CCBE1: variants seen among roughly 807,000 people sequenced by gnomAD.
CCBE1 encodes the protein collagen and calcium-binding EGF domain-containing protein 1.
Under a neutral mutation model 50.0 loss-of-function variants are expected in CCBE1, and 37 were observed. That is an observed-to-expected ratio of 0.74 (90% CI 0.57 to 0.97). The LOEUF is 0.97. CCBE1 is among the 50% of genes least tolerant of loss of function. CCBE1 has a pLI of 0.00. For missense variants in CCBE1, 538 were observed against 523.8 expected, an observed-to-expected ratio of 1.03 and a Z score of -0.26; for synonymous variants, 234 against 203.7, an observed-to-expected ratio of 1.15 and a Z score of -1.27.
At chr18:59,696,809 C>A in intron 1 of CCBE1, 100 bp from the exon 2 acceptor site, 1 of 1,295,352 alleles carries the variant, frequency 7.7e-7, no homozygotes, top group Non-Finnish European at 1.1e-6. Context: ...CGCCAGGCTC[C>A]CCGTCCCGGC....
At chr18:59,542,342 C>T (rs546204212) in intron 2 of CCBE1, among the ~76,000 whole-genome samples, 3 of 151,774 alleles carry the variant, frequency 2.0e-5, no homozygotes, top group South Asian at 2.1e-4. Flanking sequence ...TTTTACAACA[C>T]GAGATTCTAG....
At chr18:59,593,440 T>G (rs2053303880) in intron 2 of CCBE1, among the ~76,000 whole-genome samples, 1 of 152,248 alleles carries the variant, frequency 6.6e-6, no homozygotes, top group Non-Finnish European at 1.5e-5. Context: ...CAATAACTTT[T>G]GTAATGCATT....
At chr18:59,474,022 G>A (rs1321271702) in intron 3 of CCBE1, among the ~76,000 whole-genome samples, 1 of 152,172 alleles carries the variant, frequency 6.6e-6, no homozygotes, top group African/African-American at 2.4e-5. Flanking sequence ...GTTTGCTTAG[G>A]ATTATAGCCT....
At chr18:59,608,018 T>A (rs1421916221) in intron 2 of CCBE1, among the ~76,000 whole-genome samples, 1 of 152,052 alleles carries the variant, frequency 6.6e-6, no homozygotes, top group Non-Finnish European at 1.5e-5. Context: ...AGAGGTGTAG[T>A]GAGCCGATAT....
At chr18:59,634,988 T>C (rs1396236734) in intron 2 of CCBE1, among the ~76,000 whole-genome samples, 1 of 152,140 alleles carries the variant, frequency 6.6e-6, no homozygotes, top group Non-Finnish European at 1.5e-5. Context: ...AGATAACAGC[T>C]GAGGGTTCTC....
chr18:59,584,708 C>T (rs985346848), intron 2 of CCBE1, among the ~76,000 whole-genome samples: 1 of 152,100 alleles, frequency 6.6e-6, no homozygotes, highest in East Asian at 1.9e-4. Context: ...GATGCCTGTT[C>T]CCCCTTCACC....
At chr18:59,558,742 G>T (rs1183838918) in intron 2 of CCBE1, among the ~76,000 whole-genome samples, 1 of 152,178 alleles carries the variant, frequency 6.6e-6, no homozygotes, top group African/African-American at 2.4e-5. Context: ...TAGCTTGCTT[G>T]TGCCCAGAGA....
At chr18:59,554,402 T>C (rs938188088) in intron 2 of CCBE1, among the ~76,000 whole-genome samples, 4 of 152,248 alleles carry the variant, frequency 2.6e-5, no homozygotes, top group African/African-American at 9.6e-5. Context: ...ACCATGTGCA[T>C]GCATCCCATG....
chr18:59,637,247 A>G (rs548353720), intron 2 of CCBE1, among the ~76,000 whole-genome samples: 79 of 152,330 alleles, frequency 5.2e-4, no homozygotes, highest in African/African-American at 1.8e-3. Flanking sequence ...TAGTATTTCT[A>G]TCCTTGGTGC....
intron 2 of CCBE1, among the ~76,000 whole-genome samples, chr18:59,612,997 T>C (rs2053593377): frequency 6.6e-6 from 1 of 151,930 alleles, no homozygotes; most frequent in African/African-American, 2.4e-5. Flanking sequence ...AAGTGCTAAA[T>C]TGCAAGGTAT....
chr18:59,469,640 A>T (rs777520451), intron 3 of CCBE1, 33 bp from the exon 4 acceptor site: 1 of 1,613,312 alleles, frequency 6.2e-7, no homozygotes, highest in Admixed American at 1.7e-5. Context: ...CACATCAACT[A>T]CAGGAGGAGG....
intron 2 of CCBE1, among the ~76,000 whole-genome samples, chr18:59,496,198 C>T (rs1010735742): frequency 3.3e-5 from 5 of 152,192 alleles, no homozygotes; most frequent in African/African-American, 1.2e-4. Flanking sequence ...TTACGGGTTA[C>T]AGGAGGCTAT....
chr18:59,469,722 G>A, intron 3 of CCBE1, 115 bp from the exon 4 acceptor site: 1 of 1,345,300 alleles, frequency 7.4e-7, no homozygotes, highest in Non-Finnish European at 1.1e-6. Flanking sequence ...TGTGAAGTGT[G>A]GACAGATATA....
intron 2 of CCBE1, among the ~76,000 whole-genome samples, chr18:59,660,387 C>A (rs149822245): frequency 6.6e-6 from 1 of 151,990 alleles, no homozygotes; most frequent in South Asian, 2.1e-4. Flanking sequence ...TTACACTGAT[C>A]GGTCTTGCTT....
chr18:59,480,269 T>C (rs1912511281), intron 2 of CCBE1, 31 bp from the exon 3 acceptor site: 3 of 1,435,050 alleles, frequency 2.1e-6, no homozygotes, highest in Admixed American at 1.7e-5. Flanking sequence ...TAAAATATAA[T>C]AATTAGGCTA....
intron 7 of CCBE1, 147 bp from the exon 8 acceptor site, chr18:59,439,963 G>C (rs62096128): frequency 1.7e-5 from 14 of 843,458 alleles, no homozygotes; most frequent in Non-Finnish European, 2.5e-5. Flanking sequence ...TGTCCCACAG[G>C]CATTTTAAAC....
At chr18:59,510,541 C>T (rs768824633) in intron 2 of CCBE1, among the ~76,000 whole-genome samples, 5 of 152,062 alleles carry the variant, frequency 3.3e-5, no homozygotes, top group Admixed American at 6.5e-5. Flanking sequence ...CCTGTCTCAG[C>T]GTCTCAAGTA....
At chr18:59,444,107 T>A (rs1034542200) in intron 7 of CCBE1, among the ~76,000 whole-genome samples, 1 of 152,246 alleles carries the variant, frequency 6.6e-6, no homozygotes, top group Non-Finnish European at 1.5e-5. Context: ...CCATTGTAAG[T>A]GTATGTCACA....
chr18:59,633,051 G>T (rs970751109), intron 2 of CCBE1, among the ~76,000 whole-genome samples: 1 of 152,162 alleles, frequency 6.6e-6, no homozygotes, highest in South Asian at 2.1e-4. Flanking sequence ...TAATTAGTAA[G>T]AGGGGACAAT....
Sources: gnomAD v4.1 joint callset for allele counts (sites outside exome capture counted in the v4.1 genomes callset) on GRCh38, gnomAD v4.1.1 for gene constraint, MANE v1.5 for transcripts, NCBI Gene and HGNC (gene_info 2026-07-23, HGNC 2026-07-21) for gene names.